The following ARHGEF4 variants were observed in gnomAD, a reference collection of about 807,000 sequenced individuals.
ARHGEF4 encodes APC-stimulated guanine nucleotide exchange factor 1.
Under a neutral mutation model 162.0 loss-of-function variants are expected in ARHGEF4, and 119 were observed. That is an observed-to-expected ratio of 0.73 (90% CI 0.63 to 0.86). The LOEUF is 0.86. ARHGEF4 is among the 40% of genes least tolerant of loss of function. The pLI, the probability that ARHGEF4 is intolerant of heterozygous loss-of-function variation, is 0.00. For missense variants in ARHGEF4, 2,488 were observed against 2,456.0 expected, an observed-to-expected ratio of 1.01 and a Z score of -0.28; for synonymous variants, 1,014 against 979.9, an observed-to-expected ratio of 1.03 and a Z score of -0.65.
chr2:130,870,515 G>A (rs1210763955), intron 1 of ARHGEF4, among the ~76,000 whole-genome samples: 2 of 152,174 alleles, frequency 1.3e-5, no homozygotes, highest in African/African-American at 4.8e-5. Context: ...TTGTGTTTGT[G>A]CGGCCCTCAT....
At position 131,040,422 on chromosome 2, in the gene ARHGEF4, T is replaced by G; in HGVS notation, c.4644T>G (p.Gly1548=). 6.3e-7 allele frequency: 1 copy of G among 1,597,738 alleles called. No individual in the cohort carries two copies. The change falls in exon 8 of 14, where the codon GGT becomes GGG. Residue 1548 remains glycine, a synonymous_variant. Transcript: ENST00000409359. ...NRERPHLSEL[G]ACFLEHQADF... is the part of the protein sequence containing the mutation. ...AGCGCCCACACCTGAGCGAGCTGGG[T>G]GCCTGCTTCCTGGAGCATGTGAGCG...
intron 1 of ARHGEF4, among the ~76,000 whole-genome samples, chr2:130,911,680 A>G (rs921956265): frequency 1.3e-5 from 2 of 151,934 alleles, no homozygotes; most frequent in African/African-American, 4.8e-5. Flanking sequence ...GTCATCTTAG[A>G]TTTTTTTTCC....
At chr2:130,948,454 AGG>A (rs1415202738) in intron 4 of ARHGEF4, among the ~76,000 whole-genome samples, 1 of 152,234 alleles carries the variant, frequency 6.6e-6, no homozygotes, top group East Asian at 1.9e-4. Flanking sequence ...GTCTTGTGGA[AGG>A]GACAGTAACC....
intron 6 of ARHGEF4, 39 bp downstream of exon 6, chr2:131,039,071 A>G: frequency 6.4e-7 from 1 of 1,563,290 alleles, no homozygotes; most frequent in Non-Finnish European, 8.7e-7. Flanking sequence ...AGTTGGGCCC[A>G]TAAAAAGCTA....
At chr2:130,938,709 C>A (rs1683107908) in intron 3 of ARHGEF4, among the ~76,000 whole-genome samples, 1 of 152,070 alleles carries the variant, frequency 6.6e-6, no homozygotes, top group African/African-American at 2.4e-5. Flanking sequence ...CATCTTCTTA[C>A]CAGGGTCTTC....
chr2:130,845,377 G>A (rs1680890161), intron 1 of ARHGEF4, among the ~76,000 whole-genome samples: 1 of 152,020 alleles, frequency 6.6e-6, no homozygotes, highest in African/African-American at 2.4e-5. Flanking sequence ...GTGGCATGGT[G>A]CACACACCTG....
At chr2:130,959,563 T>G (rs2105184808) in intron 4 of ARHGEF4, among the ~76,000 whole-genome samples, 1 of 152,332 alleles carries the variant, frequency 6.6e-6, no homozygotes, top group Admixed American at 6.5e-5. Context: ...ATATGCAAAG[T>G]ACCTCACATC....
At chr2:130,946,907 A>G (rs1683657232) in intron 4 of ARHGEF4, 1 of 316,176 alleles carries the variant, frequency 3.2e-6, no homozygotes, top group African/African-American at 2.1e-5. Flanking sequence ...GCTCAAGACC[A>G]GCCTGGGCAA....
chr2:131,025,612 T>C (rs972586539), intron 4 of ARHGEF4, among the ~76,000 whole-genome samples: 2 of 152,236 alleles, frequency 1.3e-5, no homozygotes, highest in Admixed American at 1.3e-4. Context: ...GTTTCTTCCA[T>C]CCATCTGTTT....
At position 131,041,878 on chromosome 2, in the gene ARHGEF4, G is replaced by A. The variant is rs762246699; in HGVS notation, c.4959G>A (p.Glu1653=). 3.1e-6 allele frequency: 5 copies of A among 1,613,656 alleles called. No homozygotes were observed. Among genetic ancestry groups the A allele is most frequent in the South Asian group, 1.1e-5 (1 of 91,082 alleles). Residue 1653 remains glutamate, a synonymous_variant, in exon 10 of 14, where the codon GAG becomes GAA. Coordinates refer to ENST00000409359, the MANE Select transcript of ARHGEF4 (RefSeq NM_001367493.1). Reference sequence around the variant, plus strand: ...AGAACGTGGCCCAGCTCATCAACGAGCGGAAGCGGAGACTTGAGAACATCG... The same window carrying A: ...AGAACGTGGCCCAGCTCATCAACGAACGGAAGCGGAGACTTGAGAACATCG... ...AMKNVAQLIN[E]RKRRLENIDK...
intron 1 of ARHGEF4, chr2:130,837,617 C>T (rs1381398691): frequency 2.2e-6 from 1 of 451,496 alleles, no homozygotes; most frequent in Admixed American, 2.4e-5. Flanking sequence ...CCTCGCTGCC[C>T]CCACAGGAAC....
intron 4 of ARHGEF4, among the ~76,000 whole-genome samples, chr2:130,987,219 C>G (rs1300113254): frequency 3.9e-5 from 6 of 152,198 alleles, no homozygotes; most frequent in Non-Finnish European, 5.9e-5. Context: ...GGAAGGCTGC[C>G]CTGCCTTCCC....
At chr2:130,919,707 C>G (rs2105068132) in intron 2 of ARHGEF4, among the ~76,000 whole-genome samples, 1 of 152,178 alleles carries the variant, frequency 6.6e-6, no homozygotes, top group Non-Finnish European at 1.5e-5. Context: ...GAAACCCCGT[C>G]TCTACTAAAA....
intron 4 of ARHGEF4, among the ~76,000 whole-genome samples, chr2:131,005,534 G>C (rs994534153): frequency 2.6e-5 from 4 of 152,202 alleles, no homozygotes. Context: ...ACTTGCATCT[G>C]AGATCTGTGA....
chr2:130,927,281 G>T (rs961870016), intron 2 of ARHGEF4, among the ~76,000 whole-genome samples: 5 of 152,138 alleles, frequency 3.3e-5, no homozygotes, highest in African/African-American at 9.7e-5. Context: ...ACCCCAGCAG[G>T]TCAGGGGAGG....
chr2:131,010,994 T>G (rs1397903471), intron 4 of ARHGEF4, among the ~76,000 whole-genome samples: 2 of 152,184 alleles, frequency 1.3e-5, no homozygotes, highest in Non-Finnish European at 2.9e-5. Context: ...AGAGCAGAGG[T>G]GTGTGTGTTG....
chr2:130,981,074 T>C (rs1257385827), intron 4 of ARHGEF4, among the ~76,000 whole-genome samples: 4 of 152,228 alleles, frequency 2.6e-5, no homozygotes, highest in African/African-American at 4.8e-5. Flanking sequence ...CTTAAGTCTT[T>C]TATTATTTCA....
intron 4 of ARHGEF4, among the ~76,000 whole-genome samples, chr2:130,949,451 T>TCACG (rs1287852712): frequency 1.6e-4 from 24 of 152,024 alleles, no homozygotes; most frequent in Non-Finnish European, 2.9e-4. Flanking sequence ...CCTCCTGGGT[T>TCACG]CACGCCATTC....
chr2:130,917,127 G>T lies in ARHGEF4; in HGVS notation c.3181G>T (p.Ala1061Ser), dbSNP rs1681549679. The T allele has an allele frequency of 1.9e-6, 3 of 1,550,460 alleles. No homozygotes were observed. Among genetic ancestry groups the T allele is most frequent in the East Asian group, 2.4e-5 (1 of 40,888 alleles). ...SWLASPGSPR[A>S]QQAGIAHTLP... ...GCTGGCGTCCCCCGGCAGCCCTCGG[G>T]CCCAGCAGGCTGGAATCGCACACAC... is the stretch of plus-strand genomic sequence containing the variant. The change falls in exon 2 of 14, where the codon GCC (alanine) becomes TCC (serine). Residue 1061 changes from alanine to serine, a missense_variant. Coordinates refer to ENST00000409359, the MANE Select transcript of ARHGEF4 (RefSeq NM_001367493.1).
Sources: allele counts gnomAD v4.1 joint callset (sites outside exome capture counted in the v4.1 genomes callset), GRCh38; gene constraint gnomAD v4.1.1; transcripts MANE v1.5; gene names NCBI Gene and HGNC (gene_info 2026-07-23, HGNC 2026-07-21).